The following PDE11A variants were observed in gnomAD, a reference collection of about 807,000 sequenced individuals.
PDE11A encodes dual 3',5'-cyclic-AMP and -GMP phosphodiesterase 11A.
Under a neutral mutation model 100.5 loss-of-function variants are expected in PDE11A, and 100 were observed. The observed-to-expected ratio is 1.00, with a 90% CI of 0.85 to 1.18. The LOEUF is 1.18. Ranked by LOEUF, PDE11A falls within the 50% of genes most tolerant of loss-of-function variation. PDE11A has a pLI of 0.00. For missense variants in PDE11A, 1,141 were observed against 1,152.6 expected (o/e 0.99, Z 0.15); for synonymous variants, 381 against 420.8 (o/e 0.91, Z 1.16).
At chr2:177,812,511 T>A (rs1009158189) in intron 9 of PDE11A, among the ~76,000 whole-genome samples, 2 of 152,168 alleles carry the variant, frequency 1.3e-5, no homozygotes, top group Non-Finnish European at 2.9e-5. Flanking sequence ...CAAAGTAACA[T>A]GTAAAGAAAT....
At chr2:177,964,053 A>G (rs950069634) in intron 2 of PDE11A, among the ~76,000 whole-genome samples, 1 of 152,184 alleles carries the variant, frequency 6.6e-6, no homozygotes, top group African/African-American at 2.4e-5. Context: ...AAATTACTGT[A>G]TATTATTTAA....
chr2:177,959,070 C>T (rs753676046), intron 2 of PDE11A, among the ~76,000 whole-genome samples: 3 of 152,088 alleles, frequency 2.0e-5, no homozygotes, highest in Non-Finnish European at 2.9e-5. Flanking sequence ...AAAAGAGTAA[C>T]TTGAAGGTCA....
At chr2:177,815,631 A>G (rs190035154) in intron 9 of PDE11A, among the ~76,000 whole-genome samples, 1 of 152,200 alleles carries the variant, frequency 6.6e-6, no homozygotes, top group Non-Finnish European at 1.5e-5. Context: ...GCACCCTGCT[A>G]GGCATTGCAA....
chr2:177,820,767 T>C (rs2083125309), intron 6 of PDE11A, among the ~76,000 whole-genome samples: 1 of 151,980 alleles, frequency 6.6e-6, no homozygotes, highest in Non-Finnish European at 1.5e-5. Context: ...TTTTTACTGT[T>C]ACTATATTAT....
At chr2:177,923,366 C>G (rs1490507606) in intron 2 of PDE11A, among the ~76,000 whole-genome samples, 1 of 24,200 alleles carries the variant, frequency 4.1e-5, no homozygotes, top group African/African-American at 8.5e-5. Flanking sequence ...GTCTCTCCCC[C>G]AGCAAAAAAA....
At chr2:177,833,645 A>G (rs970567206) in intron 6 of PDE11A, among the ~76,000 whole-genome samples, 2 of 152,200 alleles carry the variant, frequency 1.3e-5, no homozygotes, top group African/African-American at 4.8e-5. Flanking sequence ...CTGAAAGTTG[A>G]TGTATCCATA....
intron 4 of PDE11A, among the ~76,000 whole-genome samples, chr2:177,877,107 C>G (rs1459772803): frequency 6.8e-6 from 1 of 147,046 alleles, no homozygotes; most frequent in Non-Finnish European, 1.5e-5. Flanking sequence ...GACAAAGTTT[C>G]TCTGAGCTCT....
At chr2:177,934,595 A>C (rs1350769236) in intron 2 of PDE11A, among the ~76,000 whole-genome samples, 1 of 152,246 alleles carries the variant, frequency 6.6e-6, no homozygotes, top group Non-Finnish European at 1.5e-5. Flanking sequence ...CAAGGAACTT[A>C]AAACAGAACT....
At chr2:178,035,469 C>T (rs2086601321) in intron 1 of PDE11A, among the ~76,000 whole-genome samples, 1 of 152,210 alleles carries the variant, frequency 6.6e-6, no homozygotes. Flanking sequence ...TAGTATCATT[C>T]CTTCTGAAAC....
intron 2 of PDE11A, among the ~76,000 whole-genome samples, chr2:178,000,034 A>G (rs752546836): frequency 1.2e-4 from 19 of 152,328 alleles, no homozygotes; most frequent in African/African-American, 3.1e-4. Flanking sequence ...TAAATAGAGT[A>G]TGCAGAATAT....
At chr2:178,015,065 T>C (rs535057804) in intron 1 of PDE11A, among the ~76,000 whole-genome samples, 49 of 152,330 alleles carry the variant, frequency 3.2e-4, no homozygotes, top group Non-Finnish European at 2.6e-4. Context: ...TTAAGTATGC[T>C]AATACCATTG....
At chr2:178,077,267 T>C (rs866183494), upstream of PDE11A, among the ~76,000 whole-genome samples, 2,280 of 130,952 alleles carry the variant, frequency 0.017, 20 homozygotes, top group Middle Eastern at 0.051. Context: ...TTTCTTTTTT[T>C]TTTTTTTTTT....
rs181823806 is a variant in PDE11A, at chr2:177,934,736, G to A, written c.1072-29549C>T. ...AATAGCAAAGCATGGATTCAGCCTA[G>A]ATGCCCATCAACAATGGATCTGATA... On this transcript the variant is annotated intron_variant, in intron 2 of 19. Coordinates refer to ENST00000286063, the MANE Select transcript of PDE11A (RefSeq NM_016953.4). Among the ~76,000 whole-genome samples the A allele has an allele frequency of 1.6e-3, 240 of 152,242 alleles. 1 individual carries two copies. Among genetic ancestry groups the A allele is most frequent in the Non-Finnish European group, 2.7e-3 (185 of 68,018 alleles).
At chr2:177,996,766 T>C (rs1168815892) in intron 2 of PDE11A, among the ~76,000 whole-genome samples, 1 of 152,176 alleles carries the variant, frequency 6.6e-6, no homozygotes, top group Admixed American at 6.5e-5. Context: ...GATTTACAGT[T>C]ACCCTTCTCC....
intron 10 of PDE11A, among the ~76,000 whole-genome samples, chr2:177,753,596 C>T (rs1326728256): frequency 6.6e-6 from 1 of 151,816 alleles, no homozygotes; most frequent in Non-Finnish European, 1.5e-5. Context: ...AGATAATTCA[C>T]AGGATCAGTT....
chr2:177,928,265 G>A (rs2085158472), intron 2 of PDE11A, among the ~76,000 whole-genome samples: 1 of 152,310 alleles, frequency 6.6e-6, no homozygotes, highest in Non-Finnish European at 1.5e-5. Flanking sequence ...GTAGGCTGAA[G>A]TAGGAGGATC....
chr2:177,937,436 G>A (rs895718881), intron 2 of PDE11A, among the ~76,000 whole-genome samples: 3 of 148,698 alleles, frequency 2.0e-5, no homozygotes, highest in African/African-American at 7.4e-5. Context: ...TCCTGCCTCA[G>A]CCTCCTAAGT....
intron 19 of PDE11A, among the ~76,000 whole-genome samples, chr2:177,633,388 T>G (rs900035327): frequency 1.3e-5 from 2 of 152,200 alleles, no homozygotes; most frequent in Non-Finnish European, 2.9e-5. Flanking sequence ...AAACCTAATT[T>G]ATCTGCTCAA....
intron 2 of PDE11A, among the ~76,000 whole-genome samples, chr2:177,972,557 T>C (rs1392414279): frequency 6.6e-6 from 1 of 152,056 alleles, no homozygotes; most frequent in Non-Finnish European, 1.5e-5. Context: ...GTGGAAAGAA[T>C]GGCTGAATTG....
Sources: allele counts gnomAD v4.1 joint callset (sites outside exome capture counted in the v4.1 genomes callset), GRCh38; gene constraint gnomAD v4.1.1; transcripts MANE v1.5; gene names NCBI Gene and HGNC (gene_info 2026-07-23, HGNC 2026-07-21).